Variants in CROCC2 observed in about 807,000 individuals in gnomAD.
CROCC2 encodes ciliary rootlet coiled-coil protein 2.
In CROCC2, 163 loss-of-function variants were observed where a neutral mutation model predicts 177.6. That is an observed-to-expected ratio of 0.92 (90% CI 0.81 to 1.05). CROCC2 has a LOEUF of 1.05. Ranked by LOEUF, CROCC2 falls within the 50% of genes least tolerant of loss-of-function variation. The probability of loss-of-function intolerance (pLI) is 0.00; values close to 1 mark genes in which losing one functional copy is unlikely to be tolerated. For missense variants in CROCC2, 1,929 were observed against 1,797.8 expected (o/e 1.07, Z -1.32); for synonymous variants, 904 against 787.3 (o/e 1.15, Z -2.48).
intron 19 of CROCC2, chr2:240,959,028 C>T (rs754787258): frequency 1.0e-5 from 4 of 395,910 alleles, no homozygotes; most frequent in South Asian, 3.7e-5. Flanking sequence ...TGCCCCAGGG[C>T]GCAGGCTGAG....
intron 14 of CROCC2, among the ~76,000 whole-genome samples, chr2:240,945,580 C>T (rs2059518381): frequency 6.6e-6 from 1 of 152,048 alleles, no homozygotes; most frequent in East Asian, 1.9e-4. Flanking sequence ...TTCCTCTGTA[C>T]CTCCCTTCTC....
At chr2:240,934,261 T>G in intron 11 of CROCC2, 70 bp from the exon 12 acceptor site, 1 of 1,506,394 alleles carries the variant, frequency 6.6e-7, no homozygotes, top group South Asian at 1.3e-5. Context: ...GGTGGTCGCC[T>G]GCCTGAAATC....
At position 240,968,148 on chromosome 2, in the gene CROCC2, C is replaced by A; in HGVS notation, c.4287C>A (p.Gly1429=). 1.3e-6 allele frequency: 2 copies of A among 1,502,996 alleles called. No individual in the cohort carries two copies. The highest frequency in any genetic ancestry group is 1.2e-5 in the South Asian group (1 of 80,440). 93.1% of individuals were successfully genotyped at this position (1,502,996 alleles called of 1,614,324 possible). A position where few individuals can be genotyped will look rare whatever the true frequency, so the allele number is the denominator to read the frequency against. ...EAEEGQRRVE[G]ALSSARAARA... is the part of the protein sequence containing the mutation. Reference sequence around the variant, plus strand: ...CCACAGGCCAGCGCCGGGTGGAGGGCGCGCTGAGCAGCGCCCGGGCAGCAC... The same window carrying A: ...CCACAGGCCAGCGCCGGGTGGAGGGAGCGCTGAGCAGCGCCCGGGCAGCAC... Residue 1429 remains glycine, a synonymous_variant, in exon 27 of 32, where the codon GGC becomes GGA. Coordinates refer to ENST00000690015, the MANE Select transcript of CROCC2 (RefSeq NM_001351305.2).
At position 240,930,927 on chromosome 2, in the gene CROCC2, C is replaced by T. The variant is rs2059425028; in HGVS notation, c.750-4C>T. 2 of 707,276 alleles carry T rather than the reference C, an allele frequency of 2.8e-6. No individual in the cohort carries two copies. Among genetic ancestry groups the T allele is most frequent in the Non-Finnish European group, 2.6e-6 (1 of 379,632 alleles). 43.8% of individuals were successfully genotyped at this position (707,276 alleles called of 1,614,324 possible). A position where few individuals can be genotyped will look rare whatever the true frequency, so the allele number is the denominator to read the frequency against. On this transcript the variant is annotated splice_region_variant and splice_polypyrimidine_tract_variant and intron_variant, in intron 6 of 31. Transcript: ENST00000690015. ...CCGCCACAGATGCTGCCCTTGTCTC[C>T]CAGGGGCCTCGCTGACCTGCAGGCA...
At chr2:240,929,877 C>G (rs1196780760) in intron 5 of CROCC2, among the ~76,000 whole-genome samples, 1 of 152,200 alleles carries the variant, frequency 6.6e-6, no homozygotes, top group Non-Finnish European at 1.5e-5. Flanking sequence ...AGCACCTTCT[C>G]TCTTCAGGGG....
chr2:240,925,112 G>A (rs1296179186), intron 4 of CROCC2, among the ~76,000 whole-genome samples: 1 of 152,138 alleles, frequency 6.6e-6, no homozygotes, highest in Non-Finnish European at 1.5e-5. Flanking sequence ...GACACATTTG[G>A]TTCATCCTCC....
chr2:240,964,287 G>A lies in CROCC2; in HGVS notation c.3306-179G>A, dbSNP rs564335049. On this transcript the variant is annotated intron_variant, in intron 21 of 31. Transcript: ENST00000690015. Reference sequence around the variant, plus strand: ...ACAGGGGCCATGCGGCCGGCACCGGGACCTGGGTGGACATATGTCTGTAAG... The same window carrying A: ...ACAGGGGCCATGCGGCCGGCACCGGAACCTGGGTGGACATATGTCTGTAAG... The A allele has an allele frequency of 8.1e-5, 57 of 705,044 alleles. 1 individual carries two copies. The South Asian group carries it at 1.1e-3, about 13-fold the overall frequency. 43.7% of individuals were successfully genotyped at this position (705,044 alleles called of 1,614,324 possible).
chr2:240,949,729 G>A lies in CROCC2; in HGVS notation c.2652+27G>A, dbSNP rs913346497. The A allele has an allele frequency of 3.3e-6, 5 of 1,522,522 alleles. No individual in the cohort carries two copies. The highest frequency in any genetic ancestry group is 2.7e-6 in the Non-Finnish European group (3 of 1,129,492). The allele number at this position is 1,522,522 out of a possible 1,614,324, so 94.3% of individuals were successfully genotyped here. A position where few individuals can be genotyped will look rare whatever the true frequency, so the allele number is the denominator to read the frequency against. On this transcript the variant is annotated intron_variant, in intron 17 of 31. Coordinates refer to ENST00000690015, the MANE Select transcript of CROCC2 (RefSeq NM_001351305.2). This position sits in a 1 kb window ranked among gnomAD's most constrained non-coding sequence, Gnocchi z 4.5. ...TCTGCTTCCCAGGAGCCCACCAGTA[G>A]CTTCCTAGAAGGCTACCAGGTCCCG... is the stretch of plus-strand genomic sequence containing the variant.
chr2:240,950,530 G>T lies in CROCC2; in HGVS notation c.2829+20G>T, dbSNP rs1340183243. 3.9e-6 allele frequency: 6 copies of T among 1,539,634 alleles called. No homozygotes were observed. The East Asian group carries it at 1.5e-4, about 38-fold the overall frequency. Reference sequence around the variant, plus strand: ...CAACAGGTGATGGTGAGGCTGGGGGGCAGCGGGATTGCTCACACCCACTGC... The same window carrying T: ...CAACAGGTGATGGTGAGGCTGGGGGTCAGCGGGATTGCTCACACCCACTGC... On this transcript the variant is annotated intron_variant, in intron 18 of 31. Coordinates refer to ENST00000690015, the MANE Select transcript of CROCC2 (RefSeq NM_001351305.2).
At chr2:240,934,182 C>G in intron 11 of CROCC2, 149 bp from the exon 12 acceptor site, 1 of 884,294 alleles carries the variant, frequency 1.1e-6, no homozygotes. Context: ...GCGAAGGGCT[C>G]CCTGCCTTCC....
chr2:240,910,852 C>T (rs560450270), intron 1 of CROCC2, among the ~76,000 whole-genome samples: 7 of 152,158 alleles, frequency 4.6e-5, no homozygotes, highest in African/African-American at 1.7e-4. Flanking sequence ...TTTTTCTGGC[C>T]GGGTGCAGTG....
At chr2:240,919,002 G>A (rs1248225742) in intron 2 of CROCC2, 126 bp downstream of exon 2, 10 of 620,600 alleles carry the variant, frequency 1.6e-5, no homozygotes, top group Non-Finnish European at 2.9e-5. Flanking sequence ...GGCTGGCCAA[G>A]GTGATGGCGT....
At chr2:240,927,793 G>A (rs2106458442) in intron 5 of CROCC2, among the ~76,000 whole-genome samples, 1 of 152,332 alleles carries the variant, frequency 6.6e-6, no homozygotes. Context: ...TGGGATTACA[G>A]GCGTGTGCCA....
rs1418542925 is a variant in CROCC2, at chr2:240,965,434, G to A, written c.3519G>A (p.Leu1173=). ...NQRRSGEAHE[L]QAQCSQEVLE... is the part of the protein sequence containing the mutation. Reference sequence around the variant, plus strand: ...GGAGGAGTGGAGAGGCCCATGAGCTGCAGGCGCAGTGCTCGCAGGAGGTGC... The same window carrying A: ...GGAGGAGTGGAGAGGCCCATGAGCTACAGGCGCAGTGCTCGCAGGAGGTGC... The change falls in exon 23 of 32, where the codon CTG becomes CTA. Residue 1173 remains leucine, a synonymous_variant. Transcript: ENST00000690015. The A allele has an allele frequency of 6.5e-7, 1 of 1,549,790 alleles. No individual in the cohort carries two copies. The highest frequency in any genetic ancestry group is 8.7e-7 in the Non-Finnish European group (1 of 1,146,984).
chr2:240,911,823 T>G (rs2059290816), intron 1 of CROCC2, among the ~76,000 whole-genome samples: 1 of 152,152 alleles, frequency 6.6e-6, no homozygotes, highest in Non-Finnish European at 1.5e-5. Flanking sequence ...CGCCAGCATT[T>G]CCTTGCTTTT....
intron 1 of CROCC2, among the ~76,000 whole-genome samples, chr2:240,915,385 G>C (rs1252756766): frequency 1.3e-5 from 2 of 152,226 alleles, no homozygotes; most frequent in Non-Finnish European, 2.9e-5. Context: ...CCAGGGGCTG[G>C]TGGCCAGTTG....
At chr2:240,959,511 G>C in intron 20 of CROCC2, 67 bp downstream of exon 20, 2 of 1,510,800 alleles carry the variant, frequency 1.3e-6, no homozygotes. Flanking sequence ...CAGGTACCAA[G>C]AGAGGAGAGA....
intron 27 of CROCC2, among the ~76,000 whole-genome samples, chr2:240,979,240 G>A (rs1190304065): frequency 2.6e-4 from 3 of 11,372 alleles, no homozygotes; most frequent in East Asian, 3.7e-3. Context: ...TGGAGCCCAG[G>A]CTCATCCCTG....
intron 28 of CROCC2, chr2:240,983,754 T>A (rs2106491211): frequency 5.3e-6 from 3 of 561,060 alleles, no homozygotes; most frequent in South Asian, 5.3e-5. Context: ...GCCAGTGGTG[T>A]CGTGTGCGCC....
Sources: allele counts gnomAD v4.1 joint callset (sites outside exome capture counted in the v4.1 genomes callset), GRCh38; gene constraint gnomAD v4.1.1; non-coding constraint Gnocchi (gnomAD v3.1); transcripts MANE v1.5; gene names NCBI Gene and HGNC (gene_info 2026-07-23, HGNC 2026-07-21).